FNDC3A: variants seen among roughly 807,000 people sequenced by gnomAD.
FNDC3A encodes the protein fibronectin type III domain containing 3A, also known as fibronectin type-III domain-containing protein 3A.
FNDC3A carries 32 observed loss-of-function variants against 148.9 expected under a neutral mutation model. The ratio of observed to expected loss-of-function variants is 0.21; its 90% confidence interval spans 0.16 to 0.29. The LOEUF (loss-of-function observed/expected upper bound fraction) is 0.29. FNDC3A is among the 10% of genes least tolerant of loss of function. FNDC3A has a pLI of 1.00. For missense variants in FNDC3A, 1,191 were observed against 1,452.8 expected (o/e 0.82, Z 2.93); for synonymous variants, 472 against 473.6 (o/e 1.00, Z 0.04).
intron 7 of FNDC3A, among the ~76,000 whole-genome samples, chr13:49,145,158 A>G (rs1882921536): frequency 6.6e-6 from 1 of 152,204 alleles, no homozygotes; most frequent in Non-Finnish European, 1.5e-5. Context: ...AAGTAAACAC[A>G]TCTTACATTT....
chr13:49,106,171 C>G (rs1165444724), intron 3 of FNDC3A, among the ~76,000 whole-genome samples: 1 of 152,192 alleles, frequency 6.6e-6, no homozygotes, highest in Non-Finnish European at 1.5e-5. Context: ...ATGGCCCACT[C>G]CCACACTTCT....
chr13:49,147,265 A>G (rs1484954730), intron 8 of FNDC3A, among the ~76,000 whole-genome samples: 3 of 152,186 alleles, frequency 2.0e-5, no homozygotes, highest in African/African-American at 7.2e-5. Flanking sequence ...TTCCATTTGC[A>G]GCCTGACCAG....
chr13:49,161,129 A>G (rs934325747), intron 8 of FNDC3A, among the ~76,000 whole-genome samples: 7 of 152,180 alleles, frequency 4.6e-5, no homozygotes, highest in African/African-American at 1.2e-4. Flanking sequence ...GTAGATGTCT[A>G]TTAGGTCCAG....
chr13:49,099,604 A>G (rs914222553), intron 3 of FNDC3A, among the ~76,000 whole-genome samples: 1 of 152,164 alleles, frequency 6.6e-6, no homozygotes, highest in Admixed American at 6.6e-5. Context: ...TGTATTGTGT[A>G]TAACTGTTAC....
intron 9 of FNDC3A, among the ~76,000 whole-genome samples, 165 bp downstream of exon 9, chr13:49,167,468 T>C (rs1368730944): frequency 6.6e-6 from 1 of 152,206 alleles, no homozygotes; most frequent in African/African-American, 2.4e-5. Context: ...GCACTTTGGG[T>C]GGCCAAGACG....
intron 25 of FNDC3A, among the ~76,000 whole-genome samples, chr13:49,203,743 T>C (rs1365240266): frequency 6.6e-6 from 1 of 152,140 alleles, no homozygotes; most frequent in East Asian, 1.9e-4. Context: ...AGGAGATGAC[T>C]ATGGAGAGAA....
At chr13:49,204,669 C>T (rs1886566709) in intron 25 of FNDC3A, among the ~76,000 whole-genome samples, 1 of 151,988 alleles carries the variant, frequency 6.6e-6, no homozygotes, top group African/African-American at 2.4e-5. Flanking sequence ...ATAGGGATTC[C>T]ACATTTGAGT....
chr13:49,076,956 G>C (rs1048265705), intron 3 of FNDC3A, among the ~76,000 whole-genome samples: 2 of 152,008 alleles, frequency 1.3e-5, no homozygotes, highest in African/African-American at 2.4e-5. Flanking sequence ...CCATATGTTG[G>C]GTATTTAACT....
At chr13:49,097,725 T>C (rs1879621458) in intron 3 of FNDC3A, among the ~76,000 whole-genome samples, 1 of 152,114 alleles carries the variant, frequency 6.6e-6, no homozygotes, top group African/African-American at 2.4e-5. Flanking sequence ...TAGGTGTGGG[T>C]GTGTTTTCAG....
intron 3 of FNDC3A, among the ~76,000 whole-genome samples, chr13:49,080,515 C>T (rs141021049): frequency 6.6e-6 from 1 of 152,228 alleles, no homozygotes; most frequent in East Asian, 1.9e-4. Flanking sequence ...CTAACTTGTT[C>T]TTACGTTTTC....
chr13:49,047,150 T>C (rs1593515128), intron 2 of FNDC3A, among the ~76,000 whole-genome samples: 1 of 152,166 alleles, frequency 6.6e-6, no homozygotes, highest in South Asian at 2.1e-4. Context: ...GCCATTATTT[T>C]TTTTTTTTTA....
At chr13:49,167,183 A>G (rs1884511788) in intron 8 of FNDC3A, 61 bp from the exon 9 acceptor site, 2 of 970,508 alleles carry the variant, frequency 2.1e-6, no homozygotes, top group Non-Finnish European at 3.2e-6. Context: ...AGTGTATATA[A>G]TGTACATTGG....
chr13:49,043,696 A>G (rs533121357), intron 2 of FNDC3A, among the ~76,000 whole-genome samples: 16 of 152,174 alleles, frequency 1.1e-4, no homozygotes, highest in African/African-American at 3.9e-4. Flanking sequence ...AGGTTTATTT[A>G]TACTAATGAT....
intron 6 of FNDC3A, among the ~76,000 whole-genome samples, chr13:49,137,076 C>T (rs1477891482): frequency 1.3e-5 from 2 of 149,828 alleles, no homozygotes; most frequent in African/African-American, 4.8e-5. Context: ...GTCCTCCCAT[C>T]TTGGCCTCTC....
rs774190463 is a variant in FNDC3A, at chr13:49,207,185, A to G, written c.3387A>G (p.Gly1129=). ...TTCGCCAGTGCCAAGACTCTCTGGG[A>G]CACCAGGACCTCGTAGGTCCCTACA... The part of the protein sequence containing the change: ...CAIRQCQDSL[G]HQDLVGPYST... Residue 1129 remains glycine (G), a synonymous_variant, in exon 26 of 26, where the codon GGA becomes GGG. Coordinates refer to ENST00000492622, the MANE Select transcript of FNDC3A (RefSeq NM_001079673.2). 3 of 1,614,122 alleles carry G rather than the reference A, an allele frequency of 1.9e-6. No individual in the cohort carries two copies. Among genetic ancestry groups the G allele is most frequent in the Non-Finnish European group, 1.7e-6 (2 of 1,179,986 alleles).
At chr13:48,976,435 G>A (rs1038576300) in intron 1 of FNDC3A, among the ~76,000 whole-genome samples, 2 of 152,188 alleles carry the variant, frequency 1.3e-5, no homozygotes, top group Non-Finnish European at 2.9e-5. Context: ...GCCTAGCCAG[G>A]ACACGCTTGC....
chr13:48,987,755 A>G (rs1165503289), intron 1 of FNDC3A, among the ~76,000 whole-genome samples: 2 of 152,224 alleles, frequency 1.3e-5, no homozygotes, highest in African/African-American at 2.4e-5. Context: ...ATTAGGTTAA[A>G]TTGTTGATAT....
At chr13:49,075,847 C>T (rs1206241840) in intron 3 of FNDC3A, among the ~76,000 whole-genome samples, 1 of 123,660 alleles carries the variant, frequency 8.1e-6, no homozygotes, top group Non-Finnish European at 1.6e-5. Context: ...CCTACCTGTG[C>T]TTCAAGACTG....
chr13:48,991,548 T>G (rs1024188935), intron 1 of FNDC3A, among the ~76,000 whole-genome samples: 1 of 151,832 alleles, frequency 6.6e-6, no homozygotes, highest in Non-Finnish European at 1.5e-5. Context: ...ATTAGCTGGG[T>G]GTGGTGGCAC....
Sources: allele counts gnomAD v4.1 joint callset (sites outside exome capture counted in the v4.1 genomes callset), GRCh38; gene constraint gnomAD v4.1.1; transcripts MANE v1.5; gene names NCBI Gene and HGNC (gene_info 2026-07-23, HGNC 2026-07-21).